COL18A1: variants seen among roughly 807,000 people sequenced by gnomAD.
The protein encoded by COL18A1 is collagen alpha-1(XVIII) chain.
COL18A1 carries 133 observed loss-of-function variants against 168.0 expected under a neutral mutation model. That is an observed-to-expected ratio of 0.79 (90% confidence interval 0.69 to 0.91). COL18A1 has a LOEUF of 0.91. Among genes scored for constraint, COL18A1 ranks in the 40% least tolerant of loss-of-function variants. The pLI is 0.00. For synonymous variants in COL18A1, 949 were observed against 809.0 expected, an observed-to-expected ratio of 1.17 and a Z score of -2.94; for missense variants, 2,126 against 1,925.4, an observed-to-expected ratio of 1.10 and a Z score of -1.95.
At chr21:45,410,856 C>T (rs575984784) in intron 2 of COL18A1, among the ~76,000 whole-genome samples, 91 of 152,328 alleles carry the variant, frequency 6.0e-4, no homozygotes, top group African/African-American at 2.0e-3. Context: ...GGCTTCACGC[C>T]GTCTGGCATC....
At position 45,510,220 on chromosome 21, in the gene COL18A1, CGCCGTGCCGACCGCGCA is replaced by C. The variant is rs1323772321; in HGVS notation, c.3661_3677del (p.Asp1221HisfsTer21). ...CCTGCAGGACCTGTACAGCATCGTG[CGCCGTGCCGACCGCGCA>C]GCCGTGCCCATCGTCAACCTCAAGG... On this transcript the variant is annotated frameshift_variant, in exon 40 of 42. Transcript: ENST00000651438. LOFTEE classifies it high-confidence loss of function. 1 of 1,606,006 alleles carries C rather than the reference CGCCGTGCCGACCGCGCA, an allele frequency of 6.2e-7. No individual in the cohort carries two copies. The highest frequency in any genetic ancestry group is 8.5e-7 in the Non-Finnish European group (1 of 1,176,986).
chr21:45,425,813 G>T lies in COL18A1; in HGVS notation c.106+20340G>T, dbSNP rs950752021. 6.6e-5 allele frequency among the ~76,000 whole-genome samples: 10 copies of T among 152,092 alleles called. No individual in the cohort carries two copies. Among genetic ancestry groups the T allele is most frequent in the Admixed American group, 5.2e-4 (8 of 15,286 alleles). On this transcript the variant is annotated intron_variant, in intron 2 of 41. Coordinates refer to ENST00000651438, the MANE Select transcript of COL18A1 (RefSeq NM_001379500.1). This position sits in a 1 kb window ranked among gnomAD's most constrained non-coding sequence, Gnocchi z 4.1. Reference sequence around the variant, plus strand: ...AAGCCAGAGCGCCAAGGGCTCTCGGGATTCACGAGATCCACATTTATCCCA... The same window carrying T: ...AAGCCAGAGCGCCAAGGGCTCTCGGTATTCACGAGATCCACATTTATCCCA...
chr21:45,442,307 C>T (rs78221073), intron 2 of COL18A1, among the ~76,000 whole-genome samples: 2,807 of 152,338 alleles, frequency 0.018, 100 homozygotes, highest in African/African-American at 0.063. Flanking sequence ...ATTTTTGTAA[C>T]TGCAGAGCAT....
At chr21:45,468,877 C>G (rs1255395375) in intron 3 of COL18A1, 91 bp downstream of exon 3, 4 of 1,329,032 alleles carry the variant, frequency 3.0e-6, no homozygotes, top group Non-Finnish European at 3.0e-6. Context: ...GAGCTGTGGC[C>G]GGAAGAGGAG....
At position 45,456,090 on chromosome 21, in the gene COL18A1, C is replaced by T. The variant is rs142892701; in HGVS notation, c.107-12152C>T. The T allele has an allele frequency of 9.9e-3, 15,773 of 1,599,652 alleles. 97 individuals carry two copies. Among genetic ancestry groups the T allele is most frequent in the Non-Finnish European group, 0.012 (13,649 of 1,170,894 alleles). On this transcript the variant is annotated intron_variant, in intron 2 of 41. Transcript: ENST00000651438. ...GGCGCCCACACAACCGAGGCTGGCA[C>T]CTTGCCTGCACCCACCCCATCGCCT...
intron 8 of COL18A1, 171 bp from the exon 9 acceptor site, chr21:45,478,142 GCGGAGCTGCTCAGA>G (rs1244896405): frequency 2.1e-5 from 17 of 823,760 alleles, no homozygotes; most frequent in Non-Finnish European, 3.2e-5. Flanking sequence ...GACGTGGGAG[GCGGAGCTGCTCAGA>G]CACAGCCCTT....
At chr21:45,437,328 A>T (rs1427371063) in intron 2 of COL18A1, among the ~76,000 whole-genome samples, 33 of 80,374 alleles carry the variant, frequency 4.1e-4, no homozygotes, top group Middle Eastern at 7.7e-3. Context: ...CTGCACACAC[A>T]CACACTCAGA....
chr21:45,477,406 C>G lies in COL18A1; in HGVS notation c.929-5C>G. ...GACCGTGGCCACCTCTGCTTCTCTT[C>G]CCAGCTCAGACACTTCCTGGCTCAG... On this transcript the variant is annotated splice_polypyrimidine_tract_variant and splice_region_variant and intron_variant, in intron 6 of 41. Coordinates refer to ENST00000651438, the MANE Select transcript of COL18A1 (RefSeq NM_001379500.1). 6.2e-7 allele frequency: 1 copy of G among 1,611,670 alleles called. No homozygotes were observed. The highest frequency in any genetic ancestry group is 1.7e-4 in the Middle Eastern group (1 of 5,954).
chr21:45,433,985 C>A (rs1162967628), intron 2 of COL18A1, among the ~76,000 whole-genome samples: 1 of 130,570 alleles, frequency 7.7e-6, no homozygotes, highest in African/African-American at 3.1e-5. Flanking sequence ...GAACACCCAC[C>A]CTTTGGGGGC....
intron 28 of COL18A1, 43 bp downstream of exon 28, chr21:45,494,958 G>A (rs1169957682): frequency 6.4e-7 from 1 of 1,569,770 alleles, no homozygotes; most frequent in Middle Eastern, 1.7e-4. Context: ...GATGGGGTCT[G>A]GCAGGTGGGG....
rs568139344 is a variant in COL18A1 at position 45,421,777 on chromosome 21, G to A, written c.106+16304G>A. The stretch of plus-strand genomic sequence containing the variant: ...AGGCAGCCAGGTGGACCACCGAGTG[G>A]AGAGAACCTTTGAACACCTCAGCAC... On this transcript the variant is annotated intron_variant, in intron 2 of 41. Transcript: ENST00000651438. 2.1e-3 allele frequency among the ~76,000 whole-genome samples: 327 copies of A among 152,278 alleles called. 1 individual carries two copies. The highest frequency in any genetic ancestry group is 7.7e-3 in the African/African-American group (320 of 41,554).
chr21:45,511,248 A>G (rs1374480189), intron 41 of COL18A1, 22 bp downstream of exon 41: 2 of 1,322,610 alleles, frequency 1.5e-6, no homozygotes, highest in East Asian at 2.5e-5. Context: ...GTGCCGTGTG[A>G]GCAGCTCTGA....
chr21:45,510,381 C>A (rs545461678), intron 40 of COL18A1, 120 bp downstream of exon 40: 1 of 1,193,932 alleles, frequency 8.4e-7, no homozygotes, highest in African/African-American at 1.5e-5. Context: ...CAGACACTGG[C>A]GCCTAGGCTG....
Position 45,434,086 on chromosome 21 carries a change from G to GTGTGTGAGCAGGTGCATGGGCCAGA in COL18A1, c.106+28637_106+28638insATGTGTGAGCAGGTGCATGGGCCAG, listed in dbSNP as rs1569285709. On this transcript the variant is annotated intron_variant, in intron 2 of 41. Transcript: ENST00000651438. ...GTGTGTGAGCAGGTGCATGGGCCAG[G>GTGTGTGAGCAGGTGCATGGGCCAGA]TGTGTGAGCAGGTGCATGGGCCAGG... Among the ~76,000 whole-genome samples, 46 of 67,046 alleles carry GTGTGTGAGCAGGTGCATGGGCCAGA rather than the reference G, an allele frequency of 6.9e-4. 6 individuals carry two copies. The highest frequency in any genetic ancestry group is 1.7e-3 in the African/African-American group (20 of 11,894). The allele number at this position is 67,046 out of a possible 152,430, so 44.0% of individuals were successfully genotyped here. A position where few individuals can be genotyped will look rare whatever the true frequency, so the allele number is the denominator to read the frequency against.
intron 4 of COL18A1, among the ~76,000 whole-genome samples, chr21:45,475,019 A>G (rs2035595151): frequency 6.6e-6 from 1 of 152,154 alleles, no homozygotes; most frequent in Non-Finnish European, 1.5e-5. Context: ...CTCAGGGGTC[A>G]GTAGCGGTCC....
At chr21:45,466,295 T>C (rs1213417828) in intron 2 of COL18A1, among the ~76,000 whole-genome samples, 2 of 152,116 alleles carry the variant, frequency 1.3e-5, no homozygotes, top group Admixed American at 1.3e-4. Context: ...GTCCTGGGCA[T>C]ATTTAAAGGG....
chr21:45,416,848 G>GCATATGA (rs771621904), intron 2 of COL18A1, among the ~76,000 whole-genome samples: 27 of 151,952 alleles, frequency 1.8e-4, no homozygotes, highest in Non-Finnish European at 3.4e-4. Context: ...CCCTCGTTCT[G>GCATATGA]CATATGCTCG....
chr21:45,438,863 C>T (rs1457666511), intron 2 of COL18A1, among the ~76,000 whole-genome samples: 1 of 152,238 alleles, frequency 6.6e-6, no homozygotes, highest in Admixed American at 6.5e-5. Context: ...TGTGACTTGG[C>T]ATCCAGAGGC....
chr21:45,468,651 C>T lies in COL18A1; in HGVS notation c.516C>T (p.Gly172=). ...WTHLALSVAG[G]FVALYVDCEE... ...ACTTAGCCCTCAGTGTGGCAGGTGG[C>T]TTTGTGGCCCTCTACGTGGACTGTG... The change falls in exon 3 of 42, where the codon GGC becomes GGT. Residue 172 remains glycine (G), a synonymous_variant. Transcript: ENST00000651438. The T allele has an allele frequency of 6.2e-7, 1 of 1,613,886 alleles. No homozygotes were observed. Among genetic ancestry groups the T allele is most frequent in the Non-Finnish European group, 8.5e-7 (1 of 1,180,014 alleles).
Sources: allele counts gnomAD v4.1 joint callset (sites outside exome capture counted in the v4.1 genomes callset), GRCh38; gene constraint gnomAD v4.1.1; non-coding constraint Gnocchi (gnomAD v3.1); transcripts MANE v1.5; gene names NCBI Gene and HGNC (gene_info 2026-07-23, HGNC 2026-07-21).